Variants in MGA observed in about 807,000 individuals in gnomAD.
MGA encodes MAX dimerization protein MGA.
A neutral mutation model predicts 261.1 loss-of-function variants in MGA; 40 were observed. The observed-to-expected ratio is 0.15, with a 90% CI of 0.12 to 0.20. MGA has a LOEUF of 0.20. MGA is among the 10% of genes least tolerant of loss of function. The pLI, the probability that MGA is intolerant of heterozygous loss-of-function variation, is 1.00. For synonymous variants in MGA, 1,302 were observed against 1,290.6 expected (o/e 1.01, Z -0.19); for missense variants, 3,397 against 3,630.5 (o/e 0.94, Z 1.65).
rs373832022 is a variant in MGA, at chr15:41,766,178, G to A, written c.8096G>A (p.Gly2699Asp). 4 of 1,613,832 alleles carry A rather than the reference G, an allele frequency of 2.5e-6. No homozygotes were observed. The African/African-American group carries it at 5.3e-5, about 22-fold the overall frequency. The change falls in exon 24 of 24, where the codon GGT becomes GAT. Residue 2699 changes from glycine to aspartate, a missense_variant. This residue lies in a region of MGA where 647 missense variants were observed against 642.4 expected (regional missense o/e 1.01). Transcript: ENST00000219905. ...GAAGATAATTCCTTAGAGGATAAGGGTAGAATCTCTTCCAGAGGAAACAGA... is the reference window on the plus strand; with the variant it reads ...GAAGATAATTCCTTAGAGGATAAGGATAGAATCTCTTCCAGAGGAAACAGA...
At chr15:41,636,013 C>G (rs969046070) in intron 1 of MGA, among the ~76,000 whole-genome samples, 1 of 152,068 alleles carries the variant, frequency 6.6e-6, no homozygotes, top group East Asian at 1.9e-4. Context: ...CAATAACATA[C>G]AGTACATAAT....
chr15:41,657,871 A>C (rs2057239331), upstream of MGA, among the ~76,000 whole-genome samples: 1 of 152,090 alleles, frequency 6.6e-6, no homozygotes, highest in Non-Finnish European at 1.5e-5. Context: ...CAGAACCGAA[A>C]GGATTGGATC....
At chr15:41,678,151 T>C (rs2058480661) in intron 2 of MGA, among the ~76,000 whole-genome samples, 1 of 149,706 alleles carries the variant, frequency 6.7e-6, no homozygotes, top group Admixed American at 6.7e-5. Context: ...AGTGCAGTGG[T>C]GTGATCTCGA....
chr15:41,701,367 G>T (rs2059844452), intron 5 of MGA, among the ~76,000 whole-genome samples: 1 of 152,066 alleles, frequency 6.6e-6, no homozygotes, highest in African/African-American at 2.4e-5. Context: ...TTCAGTGCTT[G>T]CAGCTGGTCC....
At chr15:41,712,439 A>G (rs545929313) in intron 8 of MGA, among the ~76,000 whole-genome samples, 97 of 152,074 alleles carry the variant, frequency 6.4e-4, no homozygotes, top group African/African-American at 2.2e-3. Flanking sequence ...GCTGGTCTCA[A>G]ACTCCTGGGC....
rs1168657253 is a variant in MGA, at chr15:41,707,941, T to C, written c.2320+82T>C. 3 of 1,503,854 alleles carry C rather than the reference T, an allele frequency of 2.0e-6. No individual in the cohort carries two copies. The African/African-American group carries it at 4.2e-5, about 21-fold the overall frequency. The allele number at this position is 1,503,854 out of a possible 1,614,324, so 93.2% of individuals were successfully genotyped here. Reference sequence around the variant, plus strand: ...TGTAACGTAAGTAAAAAGCTACCTTTATTGGTGACATTTAACATTAGTCTA... The same window carrying C: ...TGTAACGTAAGTAAAAAGCTACCTTCATTGGTGACATTTAACATTAGTCTA... On this transcript the variant is annotated intron_variant, in intron 6 of 23. Transcript: ENST00000219905.
At position 41,766,241 on chromosome 15, in the gene MGA, T is replaced by G; in HGVS notation, c.8159T>G (p.Leu2720Arg). 2 of 1,613,996 alleles carry G rather than the reference T, an allele frequency of 1.2e-6. No individual in the cohort carries two copies. Residue 2720 changes from leucine (L) to arginine (R), a missense_variant, in exon 24 of 24, where the codon CTG becomes CGG. Leu to Arg is a moderately radical substitution (Grantham distance 102). This residue lies in a region of MGA where 647 missense variants were observed against 642.4 expected (regional missense o/e 1.01). Coordinates refer to ENST00000219905, the MANE Select transcript of MGA (RefSeq NM_001164273.2). ...ACGTTGGGTCCAACGCAGGTTTTTC[T>G]GGCAAACAAAGATTCTGGTTATCCA...
At chr15:41,743,716 CTT>C (rs1236900186) in intron 15 of MGA, among the ~76,000 whole-genome samples, 1 of 152,158 alleles carries the variant, frequency 6.6e-6, no homozygotes, top group Non-Finnish European at 1.5e-5. Context: ...GATGAGCAGA[CTT>C]CATCTCCTTT....
At chr15:41,718,611 A>AT (rs2060781647) in intron 9 of MGA, 1 of 315,778 alleles carries the variant, frequency 3.2e-6, no homozygotes, top group Non-Finnish European at 6.1e-6. Context: ...ATGTTTTGGG[A>AT]TTTTTACATT....
intron 2 of MGA, among the ~76,000 whole-genome samples, chr15:41,688,723 C>G (rs2059103452): frequency 2.8e-5 from 2 of 70,484 alleles, no homozygotes; most frequent in African/African-American, 6.1e-5. Flanking sequence ...AAAATTACCT[C>G]TTTGTAATTT....
chr15:41,703,011 C>T (rs1346488555), intron 5 of MGA, among the ~76,000 whole-genome samples: 1 of 152,104 alleles, frequency 6.6e-6, no homozygotes, highest in Non-Finnish European at 1.5e-5. Flanking sequence ...AAGATTGGTA[C>T]ATTTGTTACA....
intron 7 of MGA, 75 bp from the exon 8 acceptor site, chr15:41,710,616 A>T: frequency 2.9e-6 from 4 of 1,391,758 alleles, no homozygotes; most frequent in Non-Finnish European, 3.9e-6. Context: ...ATTCTTGGCC[A>T]TTTTTAGTGT....
intron 9 of MGA, among the ~76,000 whole-genome samples, chr15:41,725,058 G>C (rs1191572896): frequency 6.6e-6 from 1 of 152,230 alleles, no homozygotes; most frequent in Non-Finnish European, 1.5e-5. Flanking sequence ...CTAGGTGAAA[G>C]TTTTTGGGTC....
intron 5 of MGA, among the ~76,000 whole-genome samples, chr15:41,704,744 A>G (rs536127867): frequency 2.6e-5 from 4 of 152,328 alleles, no homozygotes; most frequent in South Asian, 2.1e-4. Context: ...TACTACTTAT[A>G]TAGGTGTTTA....
rs745372215 is a variant in MGA, at chr15:41,748,697, C to G, written c.5273C>G (p.Ala1758Gly). Residue 1758 changes from alanine (A) to glycine (G), a missense_variant, in exon 16 of 24, where the codon GCT becomes GGT. Ala to Gly is a moderately conservative substitution (Grantham distance 60). Transcript: ENST00000219905. ...GTCTCTCCTAACACAGTGAAACGTG[C>G]TGGACCTCGATTGTTGTTGATTCCA... is the stretch of plus-strand genomic sequence containing the variant. The G allele has an allele frequency of 1.7e-5, 27 of 1,613,944 alleles. No homozygotes were observed. Among genetic ancestry groups the G allele is most frequent in the Non-Finnish European group, 2.2e-5 (26 of 1,179,878 alleles).
intron 1 of MGA, among the ~76,000 whole-genome samples, chr15:41,647,644 ATGTC>A (rs1222218487): frequency 4.6e-5 from 7 of 152,052 alleles, no homozygotes; most frequent in African/African-American, 1.7e-4. Context: ...TGTCATCTAA[ATGTC>A]TGTTCTGACC....
At chr15:41,663,617 G>A (rs910821640) in intron 1 of MGA, among the ~76,000 whole-genome samples, 3 of 151,800 alleles carry the variant, frequency 2.0e-5, no homozygotes, top group Non-Finnish European at 4.4e-5. Flanking sequence ...CTACAGGTGC[G>A]CAACACGACG....
intron 1 of MGA, among the ~76,000 whole-genome samples, chr15:41,650,717 C>A (rs941281283): frequency 6.6e-6 from 1 of 152,174 alleles, no homozygotes; most frequent in African/African-American, 2.4e-5. Context: ...AGATTACAGG[C>A]GTGAGACACT....
intron 1 of MGA, among the ~76,000 whole-genome samples, chr15:41,635,699 A>T (rs1292578259): frequency 6.6e-6 from 1 of 152,210 alleles, no homozygotes; most frequent in Non-Finnish European, 1.5e-5. Context: ...CTCAGAAAAA[A>T]GAAGGACTAC....
Sources: allele counts gnomAD v4.1 joint callset (sites outside exome capture counted in the v4.1 genomes callset), GRCh38; gene constraint gnomAD v4.1.1; regional missense constraint gnomAD v4.1.1; transcripts MANE v1.5; gene names NCBI Gene and HGNC (gene_info 2026-07-23, HGNC 2026-07-21).